Variants in ACOXL observed in about 807,000 individuals in gnomAD.
ACOXL encodes the protein acyl-coenzyme A oxidase-like protein.
A neutral mutation model predicts 71.9 loss-of-function variants in ACOXL; 70 were observed. That is an observed-to-expected ratio of 0.97 (90% confidence interval 0.80 to 1.19). ACOXL has a LOEUF of 1.19. Ranked by LOEUF, ACOXL falls within the 50% of genes most tolerant of loss-of-function variation. The pLI, the probability that ACOXL is intolerant of heterozygous loss-of-function variation, is 0.00. For missense variants in ACOXL, 703 were observed against 736.3 expected, an observed-to-expected ratio of 0.95 and a Z score of 0.52; for synonymous variants, 253 against 281.6, an observed-to-expected ratio of 0.90 and a Z score of 1.02.
intron 16 of ACOXL, among the ~76,000 whole-genome samples, chr2:111,070,745 C>T (rs2067302657): frequency 6.6e-6 from 1 of 152,012 alleles, no homozygotes; most frequent in African/African-American, 2.4e-5. Flanking sequence ...GTTTTCTGTA[C>T]TTTTCATTTC....
intron 14 of ACOXL, among the ~76,000 whole-genome samples, chr2:111,007,493 A>G (rs1033293081): frequency 2.6e-5 from 4 of 152,174 alleles, no homozygotes; most frequent in African/African-American, 9.7e-5. Context: ...ACAATCCAAT[A>G]TTATGATTTA....
At chr2:110,829,743 A>G (rs893945703) in intron 9 of ACOXL, among the ~76,000 whole-genome samples, 1 of 152,198 alleles carries the variant, frequency 6.6e-6, no homozygotes, top group Non-Finnish European at 1.5e-5. Flanking sequence ...TTTTGCCTCT[A>G]TCACATCCAT....
intron 14 of ACOXL, among the ~76,000 whole-genome samples, chr2:111,006,169 A>T (rs2063862429): frequency 6.6e-6 from 1 of 152,220 alleles, no homozygotes; most frequent in South Asian, 2.1e-4. Flanking sequence ...AGATGACCTG[A>T]TGGAGGGGCT....
chr2:111,035,365 C>A (rs989049904), intron 15 of ACOXL, among the ~76,000 whole-genome samples: 2 of 152,136 alleles, frequency 1.3e-5, no homozygotes, highest in African/African-American at 4.8e-5. Context: ...AATGATAAAT[C>A]GTTATTTTTC....
intron 16 of ACOXL, among the ~76,000 whole-genome samples, chr2:111,064,023 A>G (rs34404181): frequency 0.078 from 11,909 of 152,274 alleles, 598 homozygotes; most frequent in Non-Finnish European, 0.11. Context: ...TTGCAGATAC[A>G]AGGTCAACGT....
Position 110,990,033 on chromosome 2 carries a change from T to G in ACOXL, c.1169+2816T>G, listed in dbSNP as rs1477785223. On this transcript the variant is annotated intron_variant, in intron 13 of 17. Coordinates refer to ENST00000439055, the MANE Select transcript of ACOXL (RefSeq NM_001142807.4). ...CCAGGCTGGGCAACAAGAGTGAAAC[T>G]TCGTCTCAAAAAAATAAATAAATAA... Among the ~76,000 whole-genome samples, 4 of 152,278 alleles carry G rather than the reference T, an allele frequency of 2.6e-5. No homozygotes were observed. The East Asian group carries it at 5.8e-4, about 22-fold the overall frequency.
chr2:110,908,343 T>C (rs536371666), intron 10 of ACOXL, among the ~76,000 whole-genome samples: 1 of 152,196 alleles, frequency 6.6e-6, no homozygotes, highest in Non-Finnish European at 1.5e-5. Flanking sequence ...ATGACCTACC[T>C]GTGAATCTGA....
chr2:111,061,621 T>C (rs1435458291), intron 16 of ACOXL, among the ~76,000 whole-genome samples: 1 of 152,160 alleles, frequency 6.6e-6, no homozygotes, highest in Non-Finnish European at 1.5e-5. Context: ...TTTTGAATTT[T>C]CTCAATTATG....
chr2:110,794,950 G>A (rs182819067), intron 5 of ACOXL, among the ~76,000 whole-genome samples: 2 of 67,196 alleles, frequency 3.0e-5, no homozygotes, highest in African/African-American at 1.2e-4. Context: ...CCCCGCCCCC[G>A]CCCCTCACCA....
At chr2:111,108,223 A>G (rs950176815) in intron 17 of ACOXL, among the ~76,000 whole-genome samples, 1 of 152,138 alleles carries the variant, frequency 6.6e-6, no homozygotes, top group Admixed American at 6.6e-5. Context: ...AATAATAATC[A>G]TAGACAGTTC....
chr2:110,902,126 G>T (rs1030123771), intron 10 of ACOXL, among the ~76,000 whole-genome samples: 1 of 152,146 alleles, frequency 6.6e-6, no homozygotes, highest in African/African-American at 2.4e-5. Flanking sequence ...ATGTTTCAGT[G>T]TAGGATTGCT....
At position 110,958,361 on chromosome 2, in the gene ACOXL, A is replaced by G. The variant is rs1193078417; in HGVS notation, c.1059+24719A>G. On this transcript the variant is annotated intron_variant, in intron 12 of 17. Coordinates refer to ENST00000439055, the MANE Select transcript of ACOXL (RefSeq NM_001142807.4). The stretch of plus-strand genomic sequence containing the variant: ...CATGGGGAGAGCAGGCTGGCCCAGC[A>G]CGCAGGCCAGTCTGTGTGTGGAATG... Among the ~76,000 whole-genome samples the G allele has an allele frequency of 4.6e-5, 7 of 152,316 alleles. 1 individual carries two copies. The highest frequency in any genetic ancestry group is 1.7e-4 in the African/African-American group (7 of 41,586).
At chr2:110,973,978 C>G (rs1040596307) in intron 12 of ACOXL, among the ~76,000 whole-genome samples, 1 of 152,132 alleles carries the variant, frequency 6.6e-6, no homozygotes, top group African/African-American at 2.4e-5. Context: ...AGTCAGCACC[C>G]CCTCATAGGA....
chr2:110,906,092 G>A (rs1403989590), intron 10 of ACOXL, among the ~76,000 whole-genome samples: 8 of 152,270 alleles, frequency 5.3e-5, no homozygotes, highest in Non-Finnish European at 2.9e-5. Flanking sequence ...GACCTTCTCT[G>A]AGGTCTCCAG....
Position 111,093,514 on chromosome 2 carries a change from A to G in ACOXL, c.1542+548A>G, listed in dbSNP as rs757120924. On this transcript the variant is annotated intron_variant, in intron 17 of 17. Coordinates refer to ENST00000439055, the MANE Select transcript of ACOXL (RefSeq NM_001142807.4). ...GAGATGCTGAAACACAAACAGGTAT[A>G]AGACTCAGTCTCCACATGAAGGGAG... 4 of 1,614,082 alleles carry G rather than the reference A, an allele frequency of 2.5e-6. No homozygotes were observed. The South Asian group carries it at 4.4e-5, about 18-fold the overall frequency.
intron 8 of ACOXL, among the ~76,000 whole-genome samples, chr2:110,803,874 T>C (rs1250477316): frequency 2.0e-5 from 3 of 151,808 alleles, no homozygotes; most frequent in Non-Finnish European, 1.5e-5. Flanking sequence ...GACATTTCAC[T>C]AAAGATTTAC....
At chr2:110,784,641 A>G (rs1683730155) in intron 2 of ACOXL, 91 bp from the exon 3 acceptor site, 1 of 952,220 alleles carries the variant, frequency 1.1e-6, no homozygotes, top group African/African-American at 1.7e-5. Flanking sequence ...TTTTTATTAT[A>G]AAAGTAACAT....
At chr2:110,936,610 C>T (rs2060672506) in intron 12 of ACOXL, among the ~76,000 whole-genome samples, 1 of 152,050 alleles carries the variant, frequency 6.6e-6, no homozygotes, top group Non-Finnish European at 1.5e-5. Flanking sequence ...TTCCCATGAC[C>T]CTCTCCTTAG....
At chr2:111,013,733 A>G (rs1574484822) in intron 14 of ACOXL, among the ~76,000 whole-genome samples, 1 of 152,148 alleles carries the variant, frequency 6.6e-6, no homozygotes, top group East Asian at 1.9e-4. Flanking sequence ...GTTGAATTCT[A>G]TCAAACATTT....
Sources: allele counts gnomAD v4.1 joint callset (sites outside exome capture counted in the v4.1 genomes callset), GRCh38; gene constraint gnomAD v4.1.1; transcripts MANE v1.5; gene names NCBI Gene and HGNC (gene_info 2026-07-23, HGNC 2026-07-21).